TSPYL5: variants seen among roughly 807,000 people sequenced by gnomAD.
TSPYL5 encodes the protein testis-specific Y-encoded-like protein 5.
For synonymous variants in TSPYL5, 276 were observed against 236.1 expected, an observed-to-expected ratio of 1.17 and a Z score of -1.55; for missense variants, 556 against 555.5, an observed-to-expected ratio of 1.00 and a Z score of -0.01.
At position 97,277,205 on chromosome 8, in the gene TSPYL5, T is replaced by C. The variant is rs779819236; in HGVS notation, c.640A>G (p.Asn214Asp). 6.2e-7 allele frequency: 1 copy of C among 1,613,180 alleles called. No individual in the cohort carries two copies. Among genetic ancestry groups the C allele is most frequent in the Admixed American group, 1.7e-5 (1 of 60,020 alleles). ...TLENVQLKLE[N>D]MNAQADRAYL... Reference sequence around the variant, plus strand: ...GCCCTGTCCGCCTGGGCGTTCATGTTCTCCAGCTTCAGCTGCACGTTCTCC... The same window carrying C: ...GCCCTGTCCGCCTGGGCGTTCATGTCCTCCAGCTTCAGCTGCACGTTCTCC... Residue 214 changes from asparagine to aspartate, a missense_variant, in exon 1 of 1, where the codon AAC becomes GAC. Physicochemically the swap from Asn to Asp is conservative, Grantham distance 23 (BLOSUM62 1). Coordinates refer to ENST00000322128, the MANE Select transcript of TSPYL5 (RefSeq NM_033512.3). The surrounding 1 kb of genome is among the most constrained non-coding windows in gnomAD (Gnocchi z 4.5).
At position 97,277,501 on chromosome 8, in the gene TSPYL5, C is replaced by T. The variant is rs1015353127; in HGVS notation, c.344G>A (p.Arg115His). The stretch of plus-strand genomic sequence containing the variant: ...CACGAAGACAGTGTCTGCGGCCAGG[C>T]GCTCCGAGAGAGATGCGGCCTTCCC... ...GPGKAASLSE[R>H]LAADTVFVGT... Residue 115 changes from arginine to histidine, a missense_variant, in exon 1 of 1, where the codon CGC becomes CAC. Arg to His is a conservative substitution (Grantham distance 29). Transcript: ENST00000322128. The surrounding 1 kb of genome is among the most constrained non-coding windows in gnomAD (Gnocchi z 4.5). 2 of 1,522,090 alleles carry T rather than the reference C, an allele frequency of 1.3e-6. No individual in the cohort carries two copies. Among genetic ancestry groups the T allele is most frequent in the Non-Finnish European group, 1.8e-6 (2 of 1,138,228 alleles). 94.3% of individuals were successfully genotyped at this position (1,522,090 alleles called of 1,614,324 possible).
rs139645557 is a variant in TSPYL5 at position 97,276,726 on chromosome 8, C to T, written c.1119G>A (p.Leu373=). The change falls in exon 1 of 1, where the codon TTG becomes TTA. Residue 373 remains leucine, a synonymous_variant. Coordinates refer to ENST00000322128, the MANE Select transcript of TSPYL5 (RefSeq NM_033512.3). The part of the protein sequence containing the change: ...DKIVEIINEE[L]WPNPLQFYLL... ...GGTAGAACTGCAAGGGATTGGGCCA[C>T]AATTCTTCGTTGATTATCTCCACAA... 9.9e-6 allele frequency: 16 copies of T among 1,614,092 alleles called. No individual in the cohort carries two copies. In the African/African-American group the frequency reaches 1.9e-4, roughly 19 times the overall value.
chr8:97,276,323 G>T lies in TSPYL5; in HGVS notation c.*268C>A, dbSNP rs553050861. On this transcript the variant is annotated 3_prime_UTR_variant, in exon 1 of 1. Transcript: ENST00000322128. ...GGCCAGAGCCAAGAACAAGGTCCAG[G>T]CAATGTAGATAACAGGGAGCACACA... 5.7e-4 allele frequency: 235 copies of T among 412,474 alleles called. 2 individuals carry two copies. The South Asian group carries it at 9.3e-3, about 16-fold the overall frequency. The allele number at this position is 412,474 out of a possible 1,614,324, so 25.6% of individuals were successfully genotyped here.
chr8:97,274,161 G>C lies in TSPYL5; in HGVS notation c.*2430C>G, dbSNP rs1036297352. On this transcript the variant is annotated 3_prime_UTR_variant, in exon 1 of 1. Coordinates refer to ENST00000322128, the MANE Select transcript of TSPYL5 (RefSeq NM_033512.3). ...GATGCAGCTAGGTGATGGACACATG[G>C]GGTCCAAGGACCATCCTCTCCACTT... 2 of 151,916 alleles carry C rather than the reference G, an allele frequency of 1.3e-5. No homozygotes were observed. Among genetic ancestry groups the C allele is most frequent in the Non-Finnish European group, 2.9e-5 (2 of 67,984 alleles). 9.4% of individuals were successfully genotyped at this position (151,916 alleles called of 1,614,324 possible). A position where few individuals can be genotyped will look rare whatever the true frequency, so the allele number is the denominator to read the frequency against.
chr8:97,275,405 A>C lies in TSPYL5; in HGVS notation c.*1186T>G, dbSNP rs1810496926. 6.6e-6 allele frequency: 1 copy of C among 152,254 alleles called. No homozygotes were observed. The highest frequency in any genetic ancestry group is 1.5e-5 in the Non-Finnish European group (1 of 68,038). The allele number at this position is 152,254 out of a possible 1,614,324, so 9.4% of individuals were successfully genotyped here. ...GGGGAAGGCAGAAGGGGAGGAAAGG[A>C]GGCTACCAGGAAAGGGAGGGAGGAA... On this transcript the variant is annotated 3_prime_UTR_variant, in exon 1 of 1. Transcript: ENST00000322128.
At position 97,277,595 on chromosome 8, in the gene TSPYL5, C is replaced by A. The variant is rs982574962; in HGVS notation, c.250G>T (p.Asp84Tyr). 37 of 1,439,298 alleles carry A rather than the reference C, an allele frequency of 2.6e-5. No homozygotes were observed. The highest frequency in any genetic ancestry group is 3.2e-5 in the Non-Finnish European group (35 of 1,098,972). The allele number at this position is 1,439,298 out of a possible 1,614,324, so 89.2% of individuals were successfully genotyped here. The change falls in exon 1 of 1, where the codon GAC becomes TAC. Residue 84 changes from aspartate to tyrosine, a missense_variant. Transcript: ENST00000322128. This position sits in a 1 kb window ranked among gnomAD's most constrained non-coding sequence, Gnocchi z 4.5. ...CGGGCCCGCAGCGCGAGGCCACAGT[C>A]CAGGGGGAGCCGGCAGGCGGCCTCC... ...GEEAACRLPL[D>Y]CGLALRARAA...
In TSPYL5 at chr8:97,277,397, G is replaced by T; in HGVS notation, c.448C>A (p.Pro150Thr). Residue 150 changes from proline to threonine, a missense_variant, in exon 1 of 1, where the codon CCA (proline) becomes ACA (threonine). Transcript: ENST00000322128. This position sits in a 1 kb window ranked among gnomAD's most constrained non-coding sequence, Gnocchi z 4.5. ...NRRGPAGKKA[P>T]ETCSTAGRGP... ...CTCCCCGCGGTGCTACAGGTTTCTG[G>T]GGCCTTCTTCCCGGCAGGGCCACGC... The T allele has an allele frequency of 6.3e-7, 1 of 1,585,134 alleles. No homozygotes were observed. Among genetic ancestry groups the T allele is most frequent in the Non-Finnish European group, 8.6e-7 (1 of 1,167,560 alleles).
chr8:97,276,747 C>T lies in TSPYL5; in HGVS notation c.1098G>A (p.Val366=), dbSNP rs1810524899. 3 of 1,614,198 alleles carry T rather than the reference C, an allele frequency of 1.9e-6. No homozygotes were observed. Among genetic ancestry groups the T allele is most frequent in the Non-Finnish European group, 1.7e-6 (2 of 1,180,036 alleles). ...NHSSIESDKI[V]EIINEELWPN... ...GCCACAATTCTTCGTTGATTATCTC[C>T]ACAATCTTGTCAGACTCAATGGAGC... Residue 366 remains valine, a synonymous_variant, in exon 1 of 1, where the codon GTG becomes GTA. Transcript: ENST00000322128.
chr8:97,277,282 TCTTC>T lies in TSPYL5; in HGVS notation c.559_562del (p.Glu187ArgfsTer23), dbSNP rs1441570876. The T allele has an allele frequency of 6.2e-7, 1 of 1,613,446 alleles. No individual in the cohort carries two copies. The highest frequency in any genetic ancestry group is 1.3e-5 in the African/African-American group (1 of 74,898). ...TGGGGGCCCCGACCCTGCATCCCTC[TCTTC>T]CTTCTTTTCCTCCCCAGCTGACACC... On this transcript the variant is annotated frameshift_variant, in exon 1 of 1. Transcript: ENST00000322128. LOFTEE classifies it low-confidence loss of function (END_TRUNC). This position sits in a 1 kb window ranked among gnomAD's most constrained non-coding sequence, Gnocchi z 4.5.
Position 97,276,494 on chromosome 8 carries a change from T to G in TSPYL5, c.*97A>C. On this transcript the variant is annotated 3_prime_UTR_variant, in exon 1 of 1. Coordinates refer to ENST00000322128, the MANE Select transcript of TSPYL5 (RefSeq NM_033512.3). ...TTGTAACTAAAGTCCAAAGGGTCTA[T>G]AGTACACAGAGGCCAACATGAAGAG... 2 of 1,437,444 alleles carry G rather than the reference T, an allele frequency of 1.4e-6. No homozygotes were observed. The highest frequency in any genetic ancestry group is 1.9e-6 in the Non-Finnish European group (2 of 1,057,494). 89.0% of individuals were successfully genotyped at this position (1,437,444 alleles called of 1,614,324 possible).
At position 97,276,583 on chromosome 8, in the gene TSPYL5, G is replaced by A; in HGVS notation, c.*8C>T. ...CCAGCAGGAGGTAGCAGGGAGACTT[G>A]TGCAGGATCAGTTGGATTGGCTCAC... On this transcript the variant is annotated 3_prime_UTR_variant, in exon 1 of 1. Transcript: ENST00000322128. 2.5e-6 allele frequency: 4 copies of A among 1,609,982 alleles called. No individual in the cohort carries two copies. The highest frequency in any genetic ancestry group is 3.4e-6 in the Non-Finnish European group (4 of 1,177,948).
At position 97,275,229 on chromosome 8, in the gene TSPYL5, T is replaced by G. The variant is rs1810494119; in HGVS notation, c.*1362A>C. On this transcript the variant is annotated 3_prime_UTR_variant, in exon 1 of 1. Coordinates refer to ENST00000322128, the MANE Select transcript of TSPYL5 (RefSeq NM_033512.3). ...TTGCCAGCAGATCCACTTGGCCTTC[T>G]GGTTTCCTCAACTCTCTTTCAACCT... is the stretch of plus-strand genomic sequence containing the variant. 1 of 152,188 alleles carries G rather than the reference T, an allele frequency of 6.6e-6. No individual in the cohort carries two copies. The highest frequency in any genetic ancestry group is 1.5e-5 in the Non-Finnish European group (1 of 68,056). 9.4% of individuals were successfully genotyped at this position (152,188 alleles called of 1,614,324 possible).
Position 97,274,245 on chromosome 8 carries a change from A to C in TSPYL5, c.*2346T>G, listed in dbSNP as rs1223225077. ...CAAAAAAAAAAAAATAATAACAAAAAACAAAAAAGCAGACTTGCACATCTG... is the reference window on the plus strand; with the variant it reads ...CAAAAAAAAAAAAATAATAACAAAACACAAAAAAGCAGACTTGCACATCTG... On this transcript the variant is annotated 3_prime_UTR_variant, in exon 1 of 1. Coordinates refer to ENST00000322128, the MANE Select transcript of TSPYL5 (RefSeq NM_033512.3). 40 of 152,172 alleles carry C rather than the reference A, an allele frequency of 2.6e-4. No individual in the cohort carries two copies. Among genetic ancestry groups the C allele is most frequent in the Admixed American group, 2.6e-3 (40 of 15,278 alleles). 9.4% of individuals were successfully genotyped at this position (152,172 alleles called of 1,614,324 possible).
In TSPYL5 at chr8:97,277,711, C is replaced by T. The variant is rs778884185; in HGVS notation, c.134G>A (p.Gly45Glu). ...CACCTGTGCCGCCTGGGTGTCTTCCCCGAGACTCTGGTACTGTGAAGGGTC... is the reference window on the plus strand; with the variant it reads ...CACCTGTGCCGCCTGGGTGTCTTCCTCGAGACTCTGGTACTGTGAAGGGTC... The part of the protein sequence containing the change: ...DPDPSQYQSL[G>E]EDTQAAQVQA... Residue 45 changes from glycine (G) to glutamate (E), a missense_variant, in exon 1 of 1, where the codon GGG becomes GAG. Gly to Glu is a moderately conservative substitution (Grantham distance 98). Coordinates refer to ENST00000322128, the MANE Select transcript of TSPYL5 (RefSeq NM_033512.3). The surrounding 1 kb of genome is among the most constrained non-coding windows in gnomAD (Gnocchi z 4.5). The T allele has an allele frequency of 6.4e-7, 1 of 1,561,386 alleles. No homozygotes were observed. Among genetic ancestry groups the T allele is most frequent in the South Asian group, 1.2e-5 (1 of 84,836 alleles).
Position 97,276,399 on chromosome 8 carries a change from C to G in TSPYL5, c.*192G>C. 1 of 710,838 alleles carries G rather than the reference C, an allele frequency of 1.4e-6. No homozygotes were observed. Among genetic ancestry groups the G allele is most frequent in the Non-Finnish European group, 2.4e-6 (1 of 419,198 alleles). 44.0% of individuals were successfully genotyped at this position (710,838 alleles called of 1,614,324 possible). On this transcript the variant is annotated 3_prime_UTR_variant, in exon 1 of 1. Coordinates refer to ENST00000322128, the MANE Select transcript of TSPYL5 (RefSeq NM_033512.3). ...GAACAGTCCGGGTGCGATCACATAA[C>G]ATGTGACACTAACGTAGAAAAGCAA...
chr8:97,274,574 C>CT lies in TSPYL5; in HGVS notation c.*2016_*2017insA, dbSNP rs926175883. 2.0e-5 allele frequency: 3 copies of CT among 152,044 alleles called. No homozygotes were observed. Among genetic ancestry groups the CT allele is most frequent in the African/African-American group, 7.2e-5 (3 of 41,396 alleles). The allele number at this position is 152,044 out of a possible 1,614,324, so 9.4% of individuals were successfully genotyped here. A position where few individuals can be genotyped will look rare whatever the true frequency, so the allele number is the denominator to read the frequency against. Reference sequence around the variant, plus strand: ...ATCACTGAGAGACAGGCATGCTCCCCCTGCGGCTTCTCAAGCCATTTCTGT... The same window carrying CT: ...ATCACTGAGAGACAGGCATGCTCCCCTCTGCGGCTTCTCAAGCCATTTCTGT... On this transcript the variant is annotated 3_prime_UTR_variant, in exon 1 of 1. Coordinates refer to ENST00000322128, the MANE Select transcript of TSPYL5 (RefSeq NM_033512.3).
In TSPYL5 at chr8:97,276,795, G is replaced by T. The variant is rs1191023488; in HGVS notation, c.1050C>A (p.Phe350Leu). Residue 350 changes from phenylalanine (F) to leucine (L), a missense_variant, in exon 1 of 1, where the codon TTC becomes TTA. Transcript: ENST00000322128. ...SQGNPENNRS[F>L]FGWFSNHSSI... The stretch of plus-strand genomic sequence containing the variant: ...AGCTGTGGTTTGAAAACCACCCAAA[G>T]AAACTACGGTTGTTTTCTGGGTTTC... 6.2e-7 allele frequency: 1 copy of T among 1,614,180 alleles called. No individual in the cohort carries two copies.
Position 97,277,047 on chromosome 8 carries a change from C to T in TSPYL5, c.798G>A (p.Leu266=). The T allele has an allele frequency of 6.2e-7, 1 of 1,614,162 alleles. No individual in the cohort carries two copies. The highest frequency in any genetic ancestry group is 2.2e-5 in the East Asian group (1 of 44,888). ...FQNHPQLASF[L]NSQEKEVLSY... Reference sequence around the variant, plus strand: ...TCAGTACCTCTTTCTCTTGGCTATTCAGAAAGGATGCTAGCTGGGGATGGT... The same window carrying T: ...TCAGTACCTCTTTCTCTTGGCTATTTAGAAAGGATGCTAGCTGGGGATGGT... Residue 266 remains leucine, a synonymous_variant, in exon 1 of 1, where the codon CTG becomes CTA. Transcript: ENST00000322128. This position sits in a 1 kb window ranked among gnomAD's most constrained non-coding sequence, Gnocchi z 4.5.
At position 97,276,260 on chromosome 8, in the gene TSPYL5, A is replaced by G. The variant is rs374834767; in HGVS notation, c.*331T>C. 3.9e-6 allele frequency: 1 copy of G among 257,822 alleles called. No individual in the cohort carries two copies. Among genetic ancestry groups the G allele is most frequent in the Non-Finnish European group, 7.4e-6 (1 of 136,006 alleles). The allele number at this position is 257,822 out of a possible 1,614,324, so 16.0% of individuals were successfully genotyped here. On this transcript the variant is annotated 3_prime_UTR_variant, in exon 1 of 1. Transcript: ENST00000322128. ...GAGGATGCACTGGTCGTCCTGGAGG[A>G]TGACTCATGAGTGTCCATGTTAAAG...
Sources: gnomAD v4.1 joint callset for allele counts on GRCh38, gnomAD v4.1.1 for gene constraint, Gnocchi (gnomAD v3.1) non-coding constraint, MANE v1.5 for transcripts, NCBI Gene and HGNC (gene_info 2026-07-23, HGNC 2026-07-21) for gene names.